The following PCYT1A variants were observed in gnomAD, a reference collection of about 807,000 sequenced individuals.
The protein encoded by PCYT1A is choline-phosphate cytidylyltransferase A.
A neutral mutation model predicts 43.7 loss-of-function variants in PCYT1A; 25 were observed. That is an observed-to-expected ratio of 0.57 (90% CI 0.42 to 0.80). The LOEUF (loss-of-function observed/expected upper bound fraction) is 0.80. PCYT1A is among the 30% of genes least tolerant of loss of function. The pLI is 0.00. For missense variants in PCYT1A, 421 were observed against 474.2 expected, an observed-to-expected ratio of 0.89 and a Z score of 1.04; for synonymous variants, 172 against 170.7, an observed-to-expected ratio of 1.01 and a Z score of -0.06.
intron 5 of PCYT1A, among the ~76,000 whole-genome samples, chr3:196,245,504 T>C (rs890591634): frequency 1.3e-5 from 2 of 152,198 alleles, no homozygotes; most frequent in Admixed American, 6.5e-5. Context: ...GGATCAATAA[T>C]GTTGTTCGGA....
chr3:196,269,397 T>C (rs1490923193), intron 2 of PCYT1A, among the ~76,000 whole-genome samples: 1 of 152,236 alleles, frequency 6.6e-6, no homozygotes, highest in African/African-American at 2.4e-5. Flanking sequence ...CAATGGCTAA[T>C]AGTCAATATA....
chr3:196,263,177 A>G (rs185985956), intron 2 of PCYT1A, among the ~76,000 whole-genome samples: 2 of 152,270 alleles, frequency 1.3e-5, no homozygotes, highest in Admixed American at 1.3e-4. Flanking sequence ...AACATTCTGT[A>G]TTAATGATAA....
chr3:196,262,705 CA>C (rs1725150165), intron 2 of PCYT1A, among the ~76,000 whole-genome samples: 1 of 151,546 alleles, frequency 6.6e-6, no homozygotes, highest in Non-Finnish European at 1.5e-5. Context: ...TCCACACTAA[CA>C]GGAAAATGGA....
intron 2 of PCYT1A, 145 bp downstream of exon 2, chr3:196,270,270 C>T: frequency 2.9e-6 from 2 of 696,616 alleles, no homozygotes; most frequent in South Asian, 3.4e-5. Context: ...GAGTCATAAT[C>T]CAGTAAAAAG....
chr3:196,285,978 T>G (rs531932242), intron 1 of PCYT1A, among the ~76,000 whole-genome samples: 1 of 152,198 alleles, frequency 6.6e-6, no homozygotes, highest in East Asian at 1.9e-4. Context: ...CGCTCAAAGC[T>G]TCCCGTTCCT....
intron 1 of PCYT1A, among the ~76,000 whole-genome samples, chr3:196,285,098 A>G (rs1725871268): frequency 6.6e-6 from 1 of 152,178 alleles, no homozygotes; most frequent in Non-Finnish European, 1.5e-5. Flanking sequence ...ACTGTACGAT[A>G]AATTAAATGA....
intron 3 of PCYT1A, among the ~76,000 whole-genome samples, chr3:196,255,000 C>T (rs150547705): frequency 0.015 from 2,288 of 152,170 alleles, 31 homozygotes; most frequent in Non-Finnish European, 0.021. Flanking sequence ...ATTTGTTTTT[C>T]TCTAAGTAGA....
chr3:196,236,727 C>T lies in PCYT1A; in HGVS notation c.*1961G>A, dbSNP rs760368050. 1.3e-5 allele frequency: 2 copies of T among 152,324 alleles called. No individual in the cohort carries two copies. Among genetic ancestry groups the T allele is most frequent in the African/African-American group, 4.8e-5 (2 of 41,446 alleles). The allele number at this position is 152,324 out of a possible 1,614,324, so 9.4% of individuals were successfully genotyped here. ...TGTCACCCAGGCTGGACTGCAGCGG[C>T]ACCATCTCTGCTCACTGCAACCTCC... On this transcript the variant is annotated 3_prime_UTR_variant, in exon 9 of 9. Transcript: ENST00000431016.
chr3:196,247,458 C>A lies in PCYT1A; in HGVS notation c.395G>T (p.Arg132Leu). The A allele has an allele frequency of 6.2e-7, 1 of 1,614,144 alleles. No individual in the cohort carries two copies. Among genetic ancestry groups the A allele is most frequent in the Non-Finnish European group, 8.5e-7 (1 of 1,179,952 alleles). Residue 132 changes from arginine to leucine, a missense_variant, in exon 5 of 9, where the codon CGC becomes CTC. Transcript: ENST00000431016. This position sits in a 1 kb window ranked among gnomAD's most constrained non-coding sequence, Gnocchi z 4.8. ...GCGGCAGTGCTGGACTGCGTCATAG[C>A]GCTCATTCTCGTTCATCACCGTGAA... ...KGFTVMNENE[R>L]YDAVQHCRYV... is the part of the protein sequence containing the mutation.
chr3:196,265,027 GTTATT>G (rs1249952013), intron 2 of PCYT1A, among the ~76,000 whole-genome samples: 15 of 151,782 alleles, frequency 9.9e-5, no homozygotes, highest in African/African-American at 3.4e-4. Context: ...TTCTTTGTAA[GTTATT>G]TTATTTTATT....
intron 2 of PCYT1A, among the ~76,000 whole-genome samples, chr3:196,262,714 G>T (rs930172622): frequency 6.6e-6 from 1 of 151,752 alleles, no homozygotes; most frequent in Admixed American, 6.6e-5. Flanking sequence ...ACAGGAAAAT[G>T]GACATAATTC....
chr3:196,284,505 C>T (rs1725850461), intron 1 of PCYT1A, among the ~76,000 whole-genome samples: 1 of 152,170 alleles, frequency 6.6e-6, no homozygotes, highest in African/African-American at 2.4e-5. Context: ...CAAGAGAAAG[C>T]AATAATGCTT....
In PCYT1A at chr3:196,282,990, T is replaced by C. The variant is rs1003706902; in HGVS notation, c.-11+4625A>G. ...ACTGGCAGTCATCCTAGTCCAAACATAGAAAGCCTCAAACTAATATAACTT... is the reference window on the plus strand; with the variant it reads ...ACTGGCAGTCATCCTAGTCCAAACACAGAAAGCCTCAAACTAATATAACTT... On this transcript the variant is annotated intron_variant, in intron 1 of 8. Transcript: ENST00000431016. The surrounding 1 kb of genome is among the most constrained non-coding windows in gnomAD (Gnocchi z 4.3). Among the ~76,000 whole-genome samples the C allele has an allele frequency of 2.6e-5, 4 of 152,260 alleles. No homozygotes were observed. The highest frequency in any genetic ancestry group is 2.1e-4 in the South Asian group (1 of 4,828).
Position 196,268,243 on chromosome 3 carries a change from T to A in PCYT1A, c.117+2172A>T, listed in dbSNP as rs1725334315. Among the ~76,000 whole-genome samples the A allele has an allele frequency of 6.6e-6, 1 of 152,218 alleles. No homozygotes were observed. The highest frequency in any genetic ancestry group is 1.9e-4 in the East Asian group (1 of 5,202). On this transcript the variant is annotated intron_variant, in intron 2 of 8. Coordinates refer to ENST00000431016, the MANE Select transcript of PCYT1A (RefSeq NM_001312673.2). This position sits in a 1 kb window ranked among gnomAD's most constrained non-coding sequence, Gnocchi z 4.4. ...TTCCTAGCTACAGTGATTGGCTGAT[T>A]AGCTGACAGTATCACCTATTTGGTT...
chr3:196,279,960 G>T (rs985340084), intron 1 of PCYT1A, among the ~76,000 whole-genome samples: 2 of 148,516 alleles, frequency 1.3e-5, no homozygotes, highest in African/African-American at 5.0e-5. Context: ...TCAGCCTCCC[G>T]AGTAGCTGGG....
intron 1 of PCYT1A, among the ~76,000 whole-genome samples, chr3:196,272,369 A>G (rs1334127500): frequency 6.6e-6 from 1 of 152,188 alleles, no homozygotes; most frequent in East Asian, 1.9e-4. Context: ...TATTTTTAGT[A>G]GAGACAGGGT....
Position 196,242,699 on chromosome 3 carries a change from C to A in PCYT1A, c.487-59G>T. ...TAACTGCCATTCAGAAAGACCCAGT[C>A]AATGTTCTCAGGCCCAGAAAAAGGA... is the stretch of plus-strand genomic sequence containing the variant. On this transcript the variant is annotated intron_variant, in intron 5 of 8. Coordinates refer to ENST00000431016, the MANE Select transcript of PCYT1A (RefSeq NM_001312673.2). This position sits in a 1 kb window ranked among gnomAD's most constrained non-coding sequence, Gnocchi z 4.2. The A allele has an allele frequency of 8.8e-7, 1 of 1,137,038 alleles. No homozygotes were observed. The highest frequency in any genetic ancestry group is 1.3e-6 in the Non-Finnish European group (1 of 745,256). 70.4% of individuals were successfully genotyped at this position (1,137,038 alleles called of 1,614,324 possible).
At chr3:196,253,219 C>T (rs1724855064) in intron 3 of PCYT1A, among the ~76,000 whole-genome samples, 1 of 151,344 alleles carries the variant, frequency 6.6e-6, no homozygotes, top group South Asian at 2.1e-4. Flanking sequence ...CGCCTGTAAT[C>T]CCAGCTACTC....
intron 1 of PCYT1A, among the ~76,000 whole-genome samples, chr3:196,280,457 T>TTC (rs1180600307): frequency 6.6e-6 from 1 of 152,134 alleles, no homozygotes; most frequent in Non-Finnish European, 1.5e-5. Context: ...ACTTTCAATC[T>TTC]TCTCTACATT....
Sources: allele counts gnomAD v4.1 joint callset (sites outside exome capture counted in the v4.1 genomes callset), GRCh38; gene constraint gnomAD v4.1.1; non-coding constraint Gnocchi (gnomAD v3.1); transcripts MANE v1.5; gene names NCBI Gene and HGNC (gene_info 2026-07-23, HGNC 2026-07-21).